Variants in ENOX1 observed in about 807,000 individuals in gnomAD.
ENOX1 encodes ecto-NOX disulfide-thiol exchanger 1, also known as candidate growth-related and time keeping constitutive hydroquinone (NADH) oxidase.
In ENOX1, 42 loss-of-function variants were observed where a neutral mutation model predicts 82.5. The observed-to-expected ratio is 0.51, with a 90% CI of 0.40 to 0.66. The LOEUF (loss-of-function observed/expected upper bound fraction) is 0.66. Ranked by LOEUF, ENOX1 falls within the 30% of genes least tolerant of loss-of-function variation. The pLI is 0.00. For missense variants in ENOX1, 608 were observed against 811.6 expected (o/e 0.75, Z 3.05); for synonymous variants, 271 against 282.2 (o/e 0.96, Z 0.40).
At chr13:43,592,084 A>G (rs746463959) in intron 2 of ENOX1, among the ~76,000 whole-genome samples, 2 of 152,070 alleles carry the variant, frequency 1.3e-5, no homozygotes, top group Non-Finnish European at 2.9e-5. Flanking sequence ...CTTTCTCTAT[A>G]TTTTTCACCG....
In ENOX1 at chr13:43,769,090, T is replaced by C. The variant is rs188906048; in HGVS notation, c.-285+17562A>G. Among the ~76,000 whole-genome samples the C allele has an allele frequency of 1.3e-4, 20 of 152,342 alleles. No individual in the cohort carries two copies. In the East Asian group the frequency reaches 3.7e-3, roughly 28 times the overall value. Reference sequence around the variant, plus strand: ...TGTTCAGAACTCTTGCTGCTTCTATTTACCAGCTATCACAGTGGGCAAGTT... The same window carrying C: ...TGTTCAGAACTCTTGCTGCTTCTATCTACCAGCTATCACAGTGGGCAAGTT... On this transcript the variant is annotated intron_variant, in intron 1 of 16. Coordinates refer to ENST00000690772, the MANE Select transcript of ENOX1 (RefSeq NM_001347969.2).
In ENOX1 at chr13:43,455,480, T is replaced by C. The variant is rs143456880; in HGVS notation, c.-75+28529A>G. Among the ~76,000 whole-genome samples, 41 of 152,338 alleles carry C rather than the reference T, an allele frequency of 2.7e-4. No individual in the cohort carries two copies. In the Middle Eastern group the frequency reaches 0.01, roughly 38 times the overall value. ...TCTGAAAATCTGGAAAATAGCATTG[T>C]TCCATTTTGACAATTCTTCTTCTAT... On this transcript the variant is annotated intron_variant, in intron 3 of 16. Transcript: ENST00000690772.
intron 1 of ENOX1, among the ~76,000 whole-genome samples, chr13:43,709,490 C>A (rs1162672389): frequency 6.6e-6 from 1 of 151,544 alleles, no homozygotes; most frequent in Non-Finnish European, 1.5e-5. Context: ...ACAGTCAACA[C>A]AAGAATCTGC....
chr13:43,247,844 TATATATA>T lies in ENOX1; in HGVS notation c.1612-11113_1612-11107del, dbSNP rs2043167308. 7.8e-4 allele frequency among the ~76,000 whole-genome samples: 4 copies of T among 5,114 alleles called. 2 individuals are homozygous for T. The highest frequency in any genetic ancestry group is 2.0e-3 in the African/African-American group (4 of 1,960). 3.4% of individuals were successfully genotyped at this position (5,114 alleles called of 152,430 possible). On this transcript the variant is annotated intron_variant, in intron 14 of 16. Coordinates refer to ENST00000690772, the MANE Select transcript of ENOX1 (RefSeq NM_001347969.2). ...CAGATGCAACATATATATATATATA[TATATATA>T]TATATATATATATATATATATATAT...
intron 1 of ENOX1, among the ~76,000 whole-genome samples, chr13:43,779,171 T>C (rs1952094538): frequency 6.8e-6 from 1 of 147,418 alleles, no homozygotes; most frequent in Non-Finnish European, 1.5e-5. Context: ...CTCCCAAACT[T>C]GCCTCGTTAT....
rs201087200 is a variant in ENOX1, at chr13:43,779,068, C to T, written c.-285+7584G>A. 6.6e-5 allele frequency among the ~76,000 whole-genome samples: 10 copies of T among 152,174 alleles called. No individual in the cohort carries two copies. In the East Asian group the frequency reaches 7.7e-4, roughly 12 times the overall value. On this transcript the variant is annotated intron_variant, in intron 1 of 16. Transcript: ENST00000690772. ...GTCCCCAACTCCTCCTCCATCAATC[C>T]ATTTCCCACACATCTGCCAGAATCA...
chr13:43,627,461 TCAGA>T (rs2083015436), intron 2 of ENOX1, among the ~76,000 whole-genome samples: 2 of 152,046 alleles, frequency 1.3e-5, no homozygotes, highest in Admixed American at 6.6e-5. Context: ...TATGTATAAT[TCAGA>T]CAGTCTATTA....
intron 2 of ENOX1, among the ~76,000 whole-genome samples, chr13:43,634,597 A>T (rs1187153628): frequency 6.6e-6 from 1 of 152,210 alleles, no homozygotes; most frequent in Non-Finnish European, 1.5e-5. Context: ...CTGCTACAGA[A>T]ATCCAGTGTT....
chr13:43,756,549 CAG>C (rs1335268552), intron 1 of ENOX1, among the ~76,000 whole-genome samples: 1 of 147,450 alleles, frequency 6.8e-6, no homozygotes, highest in Non-Finnish European at 1.5e-5. Flanking sequence ...GGAGGGGAGG[CAG>C]AGAGAGAGAT....
intron 1 of ENOX1, among the ~76,000 whole-genome samples, chr13:43,685,776 C>T (rs548211134): frequency 1.1e-4 from 17 of 151,976 alleles, no homozygotes; most frequent in African/African-American, 3.9e-4. Flanking sequence ...GAAATGAGAA[C>T]ACATTTGCCT....
chr13:43,306,499 T>C (rs937615921), intron 11 of ENOX1, among the ~76,000 whole-genome samples: 5 of 152,236 alleles, frequency 3.3e-5, no homozygotes, highest in African/African-American at 1.2e-4. Context: ...AAAATGACAC[T>C]GGCTTTCAGG....
chr13:43,435,660 G>A (rs1250825678), intron 3 of ENOX1, among the ~76,000 whole-genome samples: 1 of 152,148 alleles, frequency 6.6e-6, no homozygotes, highest in Non-Finnish European at 1.5e-5. Context: ...TGCTGTTGGT[G>A]TTTTGAAAGC....
intron 1 of ENOX1, among the ~76,000 whole-genome samples, chr13:43,670,370 T>A (rs2085200277): frequency 6.6e-6 from 1 of 152,174 alleles, no homozygotes; most frequent in Admixed American, 6.5e-5. Flanking sequence ...ATTTTCAACA[T>A]ATGAACTATG....
intron 2 of ENOX1, among the ~76,000 whole-genome samples, chr13:43,541,173 GTTTTTTTTTTT>G (rs553504525): frequency 4.0e-4 from 26 of 64,582 alleles, no homozygotes; most frequent in Admixed American, 3.5e-3. Context: ...TCTTCCCTCT[GTTTTTTTTTTT>G]TTTTTTTTTT....
At chr13:43,583,536 A>G (rs540219135) in intron 2 of ENOX1, among the ~76,000 whole-genome samples, 16 of 152,206 alleles carry the variant, frequency 1.1e-4, no homozygotes, top group Non-Finnish European at 1.8e-4. Context: ...CTAATTTTGT[A>G]TCTATGTTTG....
Position 43,596,265 on chromosome 13 carries a change from T to C in ENOX1, c.-219+71214A>G, listed in dbSNP as rs139635003. Among the ~76,000 whole-genome samples, 118 of 152,368 alleles carry C rather than the reference T, an allele frequency of 7.7e-4. No homozygotes were observed. In the East Asian group the frequency reaches 0.02, roughly 26 times the overall value. ...CTTTTCACTACCATGACAACTGAAG[T>C]GTACTGTTGCTCAAATAGTTCAGTC... On this transcript the variant is annotated intron_variant, in intron 2 of 16. Coordinates refer to ENST00000690772, the MANE Select transcript of ENOX1 (RefSeq NM_001347969.2).
At chr13:43,245,524 GT>G (rs2043040558) in intron 14 of ENOX1, among the ~76,000 whole-genome samples, 1 of 152,184 alleles carries the variant, frequency 6.6e-6, no homozygotes, top group Non-Finnish European at 1.5e-5. Flanking sequence ...ATTTTTTATG[GT>G]TTCTTATGGG....
At chr13:43,325,602 T>C (rs573964773) in intron 10 of ENOX1, among the ~76,000 whole-genome samples, 1 of 152,118 alleles carries the variant, frequency 6.6e-6, no homozygotes, top group East Asian at 1.9e-4. Context: ...CTTCCATAAG[T>C]TTGGGATTTT....
intron 3 of ENOX1, among the ~76,000 whole-genome samples, chr13:43,477,187 C>A (rs2058323266): frequency 6.7e-6 from 1 of 149,824 alleles, no homozygotes; most frequent in African/African-American, 2.5e-5. Flanking sequence ...ATATAGTATA[C>A]ACACATATAT....
Sources: gnomAD v4.1 joint callset for allele counts (sites outside exome capture counted in the v4.1 genomes callset) on GRCh38, gnomAD v4.1.1 for gene constraint, MANE v1.5 for transcripts, NCBI Gene and HGNC (gene_info 2026-07-23, HGNC 2026-07-21) for gene names.